PDE6A: variants seen among roughly 807,000 people sequenced by gnomAD.
The protein encoded by PDE6A is phosphodiesterase 6A.
In PDE6A, 84 loss-of-function variants were observed where a neutral mutation model predicts 106.3. That is an observed-to-expected ratio of 0.79 (90% CI 0.66 to 0.95). The LOEUF (loss-of-function observed/expected upper bound fraction) is 0.95, where lower values mean the gene tolerates loss of function less well. Among genes scored for constraint, PDE6A ranks in the 40% least tolerant of loss-of-function variants. The pLI, the probability that PDE6A is intolerant of heterozygous loss-of-function variation, is 0.00. For synonymous variants in PDE6A, 394 were observed against 386.6 expected (o/e 1.02, Z -0.23); for missense variants, 1,052 against 1,084.9 (o/e 0.97, Z 0.43).
At chr5:149,861,033 T>C (rs1760121688) in intron 21 of PDE6A, 62 bp from the exon 22 acceptor site, 2 of 1,470,962 alleles carry the variant, frequency 1.4e-6, no homozygotes, top group Non-Finnish European at 9.4e-7. Flanking sequence ...GCTTCCCCTT[T>C]GACCTAATTT....
Position 149,863,299 on chromosome 5 carries a change from G to A in PDE6A, c.2359-33C>T. The A allele has an allele frequency of 6.2e-7, 1 of 1,613,088 alleles. No homozygotes were observed. Among genetic ancestry groups the A allele is most frequent in the Non-Finnish European group, 8.5e-7 (1 of 1,179,266 alleles). ...AGAGAGTATGTGCCTCTGGTGCAAGGGCCAGGCCACAGGGTCTGGGCTCAA... is the reference window on the plus strand; with the variant it reads ...AGAGAGTATGTGCCTCTGGTGCAAGAGCCAGGCCACAGGGTCTGGGCTCAA... On this transcript the variant is annotated intron_variant, in intron 20 of 21. Transcript: ENST00000255266. This position sits in a 1 kb window ranked among gnomAD's most constrained non-coding sequence, Gnocchi z 4.7.
At chr5:149,895,688 G>A (rs1180625672) in intron 12 of PDE6A, among the ~76,000 whole-genome samples, 2 of 152,140 alleles carry the variant, frequency 1.3e-5, no homozygotes, top group East Asian at 1.9e-4. Flanking sequence ...TCAAACTTGC[G>A]TGTGCATGAG....
chr5:149,921,552 T>C, intron 5 of PDE6A, 83 bp downstream of exon 5: 1 of 1,057,396 alleles, frequency 9.5e-7, no homozygotes. Flanking sequence ...ACCTATATGC[T>C]AATAAAAAAT....
At chr5:149,870,714 GC>G (rs1760501855) in intron 17 of PDE6A, among the ~76,000 whole-genome samples, 2 of 147,900 alleles carry the variant, frequency 1.4e-5, no homozygotes, top group Non-Finnish European at 3.0e-5. Context: ...GCTGTGCTGG[GC>G]ACAGGGGATC....
chr5:149,899,224 C>T, intron 9 of PDE6A, 151 bp downstream of exon 9: 1 of 764,540 alleles, frequency 1.3e-6, no homozygotes, highest in Non-Finnish European at 2.4e-6. Context: ...CAGTGCAGTA[C>T]AGCAGTGAGA....
intron 8 of PDE6A, 102 bp from the exon 9 acceptor site, chr5:149,899,626 G>T: frequency 1.8e-6 from 2 of 1,133,414 alleles, no homozygotes; most frequent in Non-Finnish European, 2.7e-6. Context: ...CTGAGAGGAG[G>T]TGGCAAGAGG....
At chr5:149,919,641 G>C (rs1753647413) in intron 5 of PDE6A, among the ~76,000 whole-genome samples, 1 of 152,136 alleles carries the variant, frequency 6.6e-6, no homozygotes, top group Admixed American at 6.6e-5. Context: ...CTCAGTCAAA[G>C]TCTTTAAAGC....
intron 4 of PDE6A, among the ~76,000 whole-genome samples, chr5:149,926,331 T>C (rs1031510862): frequency 1.3e-5 from 2 of 151,908 alleles, no homozygotes; most frequent in Admixed American, 6.6e-5. Context: ...ATATGGACAC[T>C]TGGTTGATAA....
In PDE6A at chr5:149,860,815, G is replaced by T; in HGVS notation, c.*80C>A. On this transcript the variant is annotated 3_prime_UTR_variant, in exon 22 of 22. Coordinates refer to ENST00000255266, the MANE Select transcript of PDE6A (RefSeq NM_000440.3). ...ATCCTATGACTCTTCTACTTCTCAA[G>T]GTGTGTGGTCTTCCACTGGCTTGAG... 1 of 1,137,972 alleles carries T rather than the reference G, an allele frequency of 8.8e-7. No individual in the cohort carries two copies. The highest frequency in any genetic ancestry group is 1.3e-6 in the Non-Finnish European group (1 of 749,576). 70.5% of individuals were successfully genotyped at this position (1,137,972 alleles called of 1,614,324 possible).
chr5:149,899,898 A>C (rs1169248347), intron 8 of PDE6A, among the ~76,000 whole-genome samples: 2 of 152,140 alleles, frequency 1.3e-5, no homozygotes, highest in Non-Finnish European at 2.9e-5. Context: ...GTAACGTTGA[A>C]TTAATAACCT....
chr5:149,907,754 T>C (rs1295405478), intron 6 of PDE6A, among the ~76,000 whole-genome samples: 1 of 152,236 alleles, frequency 6.6e-6, no homozygotes, highest in Non-Finnish European at 1.5e-5. Flanking sequence ...TCCTACCATG[T>C]GCTAAGCACT....
chr5:149,891,814 GA>G (rs796289895), intron 13 of PDE6A, among the ~76,000 whole-genome samples: 58 of 150,554 alleles, frequency 3.9e-4, no homozygotes, highest in Non-Finnish European at 6.8e-4. Flanking sequence ...AAAAAAAAAG[GA>G]AAAAAAAAGT....
chr5:149,902,276 C>T (rs1392633843), intron 8 of PDE6A, among the ~76,000 whole-genome samples: 1 of 152,126 alleles, frequency 6.6e-6, no homozygotes, highest in Non-Finnish European at 1.5e-5. Context: ...ACTGTCCAAA[C>T]ATAAGTTTTG....
At chr5:149,932,362 C>G in intron 3 of PDE6A, 1 of 1,413,496 alleles carries the variant, frequency 7.1e-7, no homozygotes. Context: ...TCCAGAAAAT[C>G]TAGTGGTCTT....
chr5:149,906,217 C>T (rs939822411), intron 7 of PDE6A, among the ~76,000 whole-genome samples: 1 of 151,780 alleles, frequency 6.6e-6, no homozygotes, highest in African/African-American at 2.4e-5. Flanking sequence ...CTACCTGTCA[C>T]CTGTAGATTA....
At chr5:149,902,305 C>T (rs553788724) in intron 8 of PDE6A, among the ~76,000 whole-genome samples, 1 of 152,236 alleles carries the variant, frequency 6.6e-6, no homozygotes, top group East Asian at 1.9e-4. Flanking sequence ...TTTCTTGATT[C>T]CTCCCAGATT....
chr5:149,875,403 C>A (rs541167403), intron 17 of PDE6A, among the ~76,000 whole-genome samples: 13 of 152,044 alleles, frequency 8.6e-5, no homozygotes, highest in Non-Finnish European at 1.9e-4. Flanking sequence ...TACCTTCTTG[C>A]ACATTTTTAA....
chr5:149,928,117 A>T (rs1753914426), intron 4 of PDE6A, among the ~76,000 whole-genome samples: 1 of 148,796 alleles, frequency 6.7e-6, no homozygotes, highest in South Asian at 2.1e-4. Context: ...TAATGGAAAA[A>T]AGTTGTAGTA....
At chr5:149,903,059 G>A (rs1164209155) in intron 8 of PDE6A, among the ~76,000 whole-genome samples, 1 of 142,126 alleles carries the variant, frequency 7.0e-6, no homozygotes, top group African/African-American at 2.6e-5. Flanking sequence ...TGAGGCAGGA[G>A]TTTTGCTTGA....
Sources: gnomAD v4.1 joint callset for allele counts (sites outside exome capture counted in the v4.1 genomes callset) on GRCh38, gnomAD v4.1.1 for gene constraint, Gnocchi (gnomAD v3.1) non-coding constraint, MANE v1.5 for transcripts, NCBI Gene and HGNC (gene_info 2026-07-23, HGNC 2026-07-21) for gene names.